POFUT3: variants seen among roughly 807,000 people sequenced by gnomAD.
The protein encoded by POFUT3 is protein O-fucosyltransferase 3, also known as GDP-fucose protein O-fucosyltransferase 3.
chr8:33,460,907 C>T, the POFUT3 span: 653 of 186,436 alleles, frequency 3.5e-3, 3 homozygotes, highest in African/African-American at 0.015. Flanking sequence ...AATCCTAGCA[C>T]TTTGGAAGGC....
chr8:33,461,191 AAGGGAGGGAGGGAGGGAGGGAGGG>A, the POFUT3 span, among the ~76,000 whole-genome samples: 3 of 26,324 alleles, frequency 1.1e-4, no homozygotes, highest in African/African-American at 1.9e-4. Context: ...GGAAGGAAGG[AAGGGAGGGAGGGAGGGAGGGAGGG>A]AGGGAGGGAG....
At chr8:33,423,606 T>C in the POFUT3 span, among the ~76,000 whole-genome samples, 2 of 152,034 alleles carry the variant, frequency 1.3e-5, no homozygotes, top group South Asian at 2.1e-4. Context: ...AGGCATGCCA[T>C]ATAGAACTTG....
chr8:33,328,235 C>G, the POFUT3 span, among the ~76,000 whole-genome samples: 1 of 152,080 alleles, frequency 6.6e-6, no homozygotes, highest in African/African-American at 2.4e-5. Context: ...CCCACAGTGA[C>G]TCAGGGTCAA....
the POFUT3 span, among the ~76,000 whole-genome samples, chr8:33,419,257 G>A: frequency 6.6e-6 from 1 of 152,206 alleles, no homozygotes; most frequent in Non-Finnish European, 1.5e-5. Flanking sequence ...GAATAGTAGA[G>A]GTGATAGATA....
At chr8:33,405,581 CTGACCTTTGGTA>C in the POFUT3 span, among the ~76,000 whole-genome samples, 3 of 152,066 alleles carry the variant, frequency 2.0e-5, no homozygotes, top group African/African-American at 4.8e-5. Flanking sequence ...AACTTTTAAC[CTGACCTTTGGTA>C]TGAAAGAGAT....
chr8:33,413,363 TTC>T, the POFUT3 span, among the ~76,000 whole-genome samples: 138 of 148,706 alleles, frequency 9.3e-4, no homozygotes, highest in African/African-American at 3.0e-3. Flanking sequence ...CTCACTCTCT[TTC>T]TCTCTCTCTC....
At chr8:33,372,225 G>C in the POFUT3 span, 1 of 1,020,066 alleles carries the variant, frequency 9.8e-7, no homozygotes, top group Non-Finnish European at 1.2e-6. Flanking sequence ...TTGAGAGTGA[G>C]GTGAGTATCA....
chr8:33,440,143 A>G, the POFUT3 span, among the ~76,000 whole-genome samples: 1 of 152,058 alleles, frequency 6.6e-6, no homozygotes, highest in African/African-American at 2.4e-5. Flanking sequence ...CAGGAGGATC[A>G]CTTGAGCTCA....
At chr8:33,434,652 C>G in the POFUT3 span, among the ~76,000 whole-genome samples, 1 of 152,196 alleles carries the variant, frequency 6.6e-6, no homozygotes, top group African/African-American at 2.4e-5. Context: ...TAGCAGGGCA[C>G]CAGACCTCGG....
the POFUT3 span, among the ~76,000 whole-genome samples, chr8:33,326,630 G>A: frequency 1.3e-5 from 2 of 152,120 alleles, no homozygotes; most frequent in African/African-American, 4.8e-5. Flanking sequence ...GGAGTGAAAT[G>A]CCAACCTCCA....
the POFUT3 span, among the ~76,000 whole-genome samples, chr8:33,387,103 TTGTG>T: frequency 1.3e-5 from 2 of 151,016 alleles, no homozygotes; most frequent in Non-Finnish European, 3.0e-5. Context: ...GTGTGTGTGT[TTGTG>T]TGTGTGTGTG....
At chr8:33,378,933 C>A in the POFUT3 span, among the ~76,000 whole-genome samples, 2 of 152,090 alleles carry the variant, frequency 1.3e-5, no homozygotes, top group Admixed American at 6.6e-5. Context: ...ACCCAAATGT[C>A]ATCTTGAATT....
At chr8:33,389,167 G>T in the POFUT3 span, 1 of 1,613,906 alleles carries the variant, frequency 6.2e-7, no homozygotes, top group Admixed American at 1.7e-5. Flanking sequence ...GTCGTCTGAT[G>T]TAACTTGCCA....
the POFUT3 span, among the ~76,000 whole-genome samples, chr8:33,390,202 T>TCATA: frequency 6.8e-6 from 1 of 146,456 alleles, no homozygotes; most frequent in Non-Finnish European, 1.5e-5. Flanking sequence ...TGTGTGTGTG[T>TCATA]CATACACACA....
the POFUT3 span, among the ~76,000 whole-genome samples, chr8:33,338,088 G>A: frequency 6.6e-6 from 1 of 152,086 alleles, no homozygotes; most frequent in African/African-American, 2.4e-5. Context: ...ACACATATTA[G>A]ATTAGGGCCA....
At chr8:33,406,738 AT>A in the POFUT3 span, among the ~76,000 whole-genome samples, 1 of 151,610 alleles carries the variant, frequency 6.6e-6, no homozygotes, top group African/African-American at 2.4e-5. Flanking sequence ...GCTAATTTTT[AT>A]TTTTTGTAGA....
chr8:33,421,150 A>AT, the POFUT3 span, among the ~76,000 whole-genome samples: 8 of 152,024 alleles, frequency 5.3e-5, no homozygotes, highest in African/African-American at 1.7e-4. Context: ...TCCTCAAGAT[A>AT]TTTTTTATGA....
chr8:33,369,792 T>A, the POFUT3 span, among the ~76,000 whole-genome samples: 1 of 152,182 alleles, frequency 6.6e-6, no homozygotes, highest in South Asian at 2.1e-4. Flanking sequence ...CATAGAACAC[T>A]ATATGTTTCC....
chr8:33,395,808 C>T, the POFUT3 span, among the ~76,000 whole-genome samples: 1 of 152,118 alleles, frequency 6.6e-6, no homozygotes, highest in Non-Finnish European at 1.5e-5. Flanking sequence ...TTCCTGCTGG[C>T]GCCCAAAAGC....
Sources: gnomAD v4.1 joint callset for allele counts (sites outside exome capture counted in the v4.1 genomes callset) on GRCh38, gnomAD v4.1.1 for gene constraint, MANE v1.5 for transcripts, NCBI Gene and HGNC (gene_info 2026-07-23, HGNC 2026-07-21) for gene names.